VSTM4: variants seen among roughly 807,000 people sequenced by gnomAD.
VSTM4 encodes the protein V-set and transmembrane domain-containing protein 4.
A neutral mutation model predicts 36.4 loss-of-function variants in VSTM4; 20 were observed. The ratio of observed to expected loss-of-function variants is 0.55; its 90% CI spans 0.39 to 0.80. VSTM4 has a LOEUF of 0.80. Among genes scored for constraint, VSTM4 ranks in the 30% least tolerant of loss-of-function variants. VSTM4 has a pLI of 0.00. For synonymous variants in VSTM4, 182 were observed against 173.9 expected (o/e 1.05, Z -0.37); for missense variants, 392 against 404.5 (o/e 0.97, Z 0.26).
At chr10:49,068,130 T>C (rs867947538) in intron 4 of VSTM4, among the ~76,000 whole-genome samples, 1 of 152,112 alleles carries the variant, frequency 6.6e-6, no homozygotes, top group African/African-American at 2.4e-5. Flanking sequence ...AACCTGTGGA[T>C]AGGGAGGACC....
chr10:49,042,021 T>C (rs1843529384), intron 7 of VSTM4, among the ~76,000 whole-genome samples: 2 of 152,070 alleles, frequency 1.3e-5, no homozygotes, highest in Non-Finnish European at 1.5e-5. Flanking sequence ...ACTCTTAAGG[T>C]AGTTGTTAAA....
intron 7 of VSTM4, among the ~76,000 whole-genome samples, chr10:49,023,707 G>A (rs1021148813): frequency 1.3e-5 from 2 of 152,106 alleles, no homozygotes; most frequent in African/African-American, 4.8e-5. Context: ...AATGAATGAG[G>A]AAGCACTTCT....
intron 5 of VSTM4, among the ~76,000 whole-genome samples, chr10:49,060,145 A>G (rs190939978): frequency 2.2e-4 from 34 of 152,346 alleles, no homozygotes; most frequent in Admixed American, 1.2e-3. Flanking sequence ...GTTTCTGGTT[A>G]TCATGAACAC....
intron 4 of VSTM4, 55 bp downstream of exon 4, chr10:49,077,164 C>A: frequency 1.3e-6 from 2 of 1,557,340 alleles, no homozygotes; most frequent in Middle Eastern, 2.2e-4. Context: ...ATCTTCCGCC[C>A]GTCTGTGGTC....
At chr10:49,076,124 C>T (rs762027381) in intron 4 of VSTM4, among the ~76,000 whole-genome samples, 14 of 152,168 alleles carry the variant, frequency 9.2e-5, no homozygotes, top group Non-Finnish European at 1.9e-4. Flanking sequence ...GGCTTGCCCA[C>T]ACCCCTGCAT....
intron 1 of VSTM4, among the ~76,000 whole-genome samples, chr10:49,108,612 GGTTTCCTATTTGTA>G (rs1334370509): frequency 6.6e-6 from 1 of 152,196 alleles, no homozygotes; most frequent in Non-Finnish European, 1.5e-5. Flanking sequence ...GGGGTTGCTT[GGTTTCCTATTTGTA>G]GGATCCATCG....
In VSTM4 at chr10:49,107,631, C is replaced by T. The variant is rs769256123; in HGVS notation, c.420G>A (p.Thr140=). 10 of 1,613,024 alleles carry T rather than the reference C, an allele frequency of 6.2e-6. No homozygotes were observed. The highest frequency in any genetic ancestry group is 1.7e-5 in the Admixed American group (1 of 60,004). ...QEISRHRNKW[T]AWSNGSSATE... is the part of the protein sequence containing the mutation. ...TGGCTGAGGAGCCATTGGACCAGGC[C>T]GTCCACTTGTTCCTGTGCCTGCTGA... The change falls in exon 2 of 8, where the codon ACG becomes ACA. Residue 140 remains threonine, a synonymous_variant. Transcript: ENST00000332853.
At chr10:49,108,688 G>A (rs1211274530) in intron 1 of VSTM4, among the ~76,000 whole-genome samples, 1 of 152,220 alleles carries the variant, frequency 6.6e-6, no homozygotes, top group Non-Finnish European at 1.5e-5. Context: ...AGGAAGAGGA[G>A]GGATGAGAGA....
At chr10:49,049,470 T>A (rs542484398) in intron 5 of VSTM4, among the ~76,000 whole-genome samples, 11 of 152,320 alleles carry the variant, frequency 7.2e-5, no homozygotes, top group African/African-American at 2.6e-4. Context: ...CCATTCATCT[T>A]CTTGCAAATG....
rs773069852 is a variant in VSTM4, at chr10:49,046,407, G to T, written c.837+576C>A. ...AAATGCAATGTGAGATCCTGGATTTGGATCCTGCACCAGAAAAGGAACATT... is the reference window on the plus strand; with the variant it reads ...AAATGCAATGTGAGATCCTGGATTTTGATCCTGCACCAGAAAAGGAACATT... On this transcript the variant is annotated intron_variant, in intron 7 of 7. Transcript: ENST00000332853. 7.9e-5 allele frequency among the ~76,000 whole-genome samples: 12 copies of T among 152,172 alleles called. 1 individual carries two copies. The highest frequency in any genetic ancestry group is 2.9e-5 in the Non-Finnish European group (2 of 68,028).
intron 1 of VSTM4, 72 bp downstream of exon 1, chr10:49,115,359 G>A (rs1165978524): frequency 2.1e-6 from 2 of 967,680 alleles, no homozygotes; most frequent in African/African-American, 3.5e-5. Context: ...ACCAGGCCCG[G>A]AGCCCCGGCC....
intron 5 of VSTM4, among the ~76,000 whole-genome samples, chr10:49,049,578 G>C (rs1461431873): frequency 6.6e-6 from 1 of 152,098 alleles, no homozygotes; most frequent in Non-Finnish European, 1.5e-5. Context: ...CTCAAGAGAG[G>C]CTATCTCGCT....
chr10:49,054,225 G>C lies in VSTM4; in HGVS notation c.669-5641C>G, dbSNP rs1385048462. On this transcript the variant is annotated intron_variant, in intron 5 of 7. Coordinates refer to ENST00000332853, the MANE Select transcript of VSTM4 (RefSeq NM_001031746.5). ...AACAGATAACAAGAACACTGGAACA[G>C]GAACAAGGTCAATAGAGCCAGAGCC... Among the ~76,000 whole-genome samples the C allele has an allele frequency of 3.3e-5, 5 of 152,214 alleles. No individual in the cohort carries two copies. The East Asian group carries it at 9.6e-4, about 29-fold the overall frequency.
chr10:49,081,388 A>T (rs1844275986), intron 3 of VSTM4, among the ~76,000 whole-genome samples: 1 of 152,202 alleles, frequency 6.6e-6, no homozygotes, highest in Non-Finnish European at 1.5e-5. Flanking sequence ...TGTCTTACAA[A>T]AGCTTCCATG....
chr10:49,095,129 C>G (rs17782691), intron 2 of VSTM4, among the ~76,000 whole-genome samples: 14,449 of 152,186 alleles, frequency 0.095, 920 homozygotes, highest in South Asian at 0.21. Context: ...AGTCCACATT[C>G]TGAAAGTGAA....
chr10:49,110,600 T>C (rs1358309248), intron 1 of VSTM4, among the ~76,000 whole-genome samples: 1 of 152,098 alleles, frequency 6.6e-6, no homozygotes, highest in African/African-American at 2.4e-5. Flanking sequence ...GGACTGTATT[T>C]GCAGATAGGG....
At chr10:49,020,788 G>C (rs1000322277) in intron 7 of VSTM4, among the ~76,000 whole-genome samples, 3 of 150,844 alleles carry the variant, frequency 2.0e-5, no homozygotes, top group Non-Finnish European at 4.4e-5. Context: ...AGGGAGAGAG[G>C]GAGAGAGGGA....
In VSTM4 at chr10:49,018,432, C is replaced by T. The variant is rs1460777129; in HGVS notation, c.*1218G>A. 1 of 152,200 alleles carries T rather than the reference C, an allele frequency of 6.6e-6. No homozygotes were observed. Among genetic ancestry groups the T allele is most frequent in the Non-Finnish European group, 1.5e-5 (1 of 68,034 alleles). The allele number at this position is 152,200 out of a possible 1,614,324, so 9.4% of individuals were successfully genotyped here. A position where few individuals can be genotyped will look rare whatever the true frequency, so the allele number is the denominator to read the frequency against. On this transcript the variant is annotated 3_prime_UTR_variant, in exon 8 of 8. Coordinates refer to ENST00000332853, the MANE Select transcript of VSTM4 (RefSeq NM_001031746.5). ...TCACACAGCTATATAGAGGGCACAACTCATACCCCAGCTGTGTTTAAAATA... is the reference window on the plus strand; with the variant it reads ...TCACACAGCTATATAGAGGGCACAATTCATACCCCAGCTGTGTTTAAAATA...
rs1843130707 is a variant in VSTM4, at chr10:49,018,251, A to T, written c.*1399T>A. 6.6e-6 allele frequency: 1 copy of T among 152,246 alleles called. No individual in the cohort carries two copies. Among genetic ancestry groups the T allele is most frequent in the Non-Finnish European group, 1.5e-5 (1 of 68,040 alleles). 9.4% of individuals were successfully genotyped at this position (152,246 alleles called of 1,614,324 possible). A position where few individuals can be genotyped will look rare whatever the true frequency, so the allele number is the denominator to read the frequency against. ...GAAAATGCAGACTGGCTTTAGCATG[A>T]ATGTCAACACAGAGCATTTGTGTAG... On this transcript the variant is annotated 3_prime_UTR_variant, in exon 8 of 8. Coordinates refer to ENST00000332853, the MANE Select transcript of VSTM4 (RefSeq NM_001031746.5).
Sources: allele counts gnomAD v4.1 joint callset (sites outside exome capture counted in the v4.1 genomes callset), GRCh38; gene constraint gnomAD v4.1.1; transcripts MANE v1.5; gene names NCBI Gene and HGNC (gene_info 2026-07-23, HGNC 2026-07-21).